The following RGS6 variants were observed in gnomAD, a reference collection of about 807,000 sequenced individuals.
The protein encoded by RGS6 is regulator of G-protein signaling 6.
Under a neutral mutation model 78.5 loss-of-function variants are expected in RGS6, and 30 were observed. The ratio of observed to expected loss-of-function variants is 0.38; its 90% confidence interval spans 0.29 to 0.52. The LOEUF (loss-of-function observed/expected upper bound fraction) is 0.52. RGS6 is among the 20% of genes least tolerant of loss of function. The pLI, the probability that RGS6 is intolerant of heterozygous loss-of-function variation, is 0.85. For missense variants in RGS6, 495 were observed against 609.7 expected (o/e 0.81, Z 1.98); for synonymous variants, 206 against 206.0 (o/e 1.00, Z 0.00).
intron 3 of RGS6, among the ~76,000 whole-genome samples, chr14:72,370,135 A>C (rs1378227159): frequency 7.5e-6 from 1 of 133,440 alleles, no homozygotes; most frequent in African/African-American, 3.3e-5. Flanking sequence ...GAATGAGAAC[A>C]ATTACAAAAT....
chr14:72,387,888 G>A (rs867196307), intron 3 of RGS6, among the ~76,000 whole-genome samples: 21 of 152,290 alleles, frequency 1.4e-4, no homozygotes, highest in African/African-American at 5.1e-4. Context: ...TCCTTGGCTT[G>A]TAGATGGCCG....
At chr14:72,198,563 C>A (rs1354490257) in intron 2 of RGS6, among the ~76,000 whole-genome samples, 1 of 152,222 alleles carries the variant, frequency 6.6e-6, no homozygotes, top group African/African-American at 2.4e-5. Flanking sequence ...TGTCTCTACA[C>A]ATACCTGAGT....
intron 3 of RGS6, among the ~76,000 whole-genome samples, chr14:72,398,801 C>T (rs1410650473): frequency 3.9e-5 from 6 of 152,242 alleles, no homozygotes; most frequent in South Asian, 2.1e-4. Context: ...CCCTTCATTT[C>T]GTTATGTACC....
intron 2 of RGS6, among the ~76,000 whole-genome samples, chr14:72,308,465 A>G (rs1184215717): frequency 6.6e-6 from 1 of 152,218 alleles, no homozygotes; most frequent in Non-Finnish European, 1.5e-5. Context: ...AATTATCAGT[A>G]TACTTGTCTT....
chr14:72,444,182 G>A (rs1469467765), intron 3 of RGS6, among the ~76,000 whole-genome samples: 3 of 152,154 alleles, frequency 2.0e-5, no homozygotes, highest in African/African-American at 7.2e-5. Flanking sequence ...AATCAATTGT[G>A]GGGGCTCAGG....
At chr14:72,266,652 GA>G (rs1401562913) in intron 2 of RGS6, among the ~76,000 whole-genome samples, 1 of 152,210 alleles carries the variant, frequency 6.6e-6, no homozygotes, top group Non-Finnish European at 1.5e-5. Flanking sequence ...CACTTTCTCA[GA>G]AGGGCATCAG....
At chr14:71,890,286 A>G in the RGS6 span, among the ~76,000 whole-genome samples, 1 of 151,694 alleles carries the variant, frequency 6.6e-6, no homozygotes, top group East Asian at 1.9e-4. Context: ...CACCTGAAGA[A>G]TGACAGCCGG....
chr14:72,290,131 T>C (rs2063326213), intron 2 of RGS6, among the ~76,000 whole-genome samples: 1 of 152,146 alleles, frequency 6.6e-6, no homozygotes, highest in Non-Finnish European at 1.5e-5. Flanking sequence ...CAATCTCTCA[T>C]AAAATAAAGA....
intron 2 of RGS6, among the ~76,000 whole-genome samples, chr14:72,228,346 A>C (rs1376980744): frequency 6.6e-6 from 1 of 152,086 alleles, no homozygotes; most frequent in African/African-American, 2.4e-5. Flanking sequence ...GCACCACTGC[A>C]CTCCAGCCTG....
At chr14:72,352,301 A>G in intron 3 of RGS6, 107 bp downstream of exon 3, 1 of 723,052 alleles carries the variant, frequency 1.4e-6, no homozygotes, top group Non-Finnish European at 2.3e-6. Flanking sequence ...AGTAAAAATG[A>G]AACATTCAGT....
chr14:72,063,006 C>G lies in RGS6; in HGVS notation c.84+98131C>G, dbSNP rs111958363. Among the ~76,000 whole-genome samples, 380 of 152,088 alleles carry G rather than the reference C, an allele frequency of 2.5e-3. 1 individual carries two copies. Among genetic ancestry groups the G allele is most frequent in the African/African-American group, 7.6e-3 (317 of 41,506 alleles). On this transcript the variant is annotated intron_variant, in intron 2 of 17. Transcript: ENST00000553525. ...GCCCAGGTAATTTCTGTATTTTTAGCAGAGACAGGGTTTTGGCATGTTGGC... is the reference window on the plus strand; with the variant it reads ...GCCCAGGTAATTTCTGTATTTTTAGGAGAGACAGGGTTTTGGCATGTTGGC...
At chr14:72,091,401 G>A (rs2095265007) in intron 2 of RGS6, among the ~76,000 whole-genome samples, 2 of 152,130 alleles carry the variant, frequency 1.3e-5, no homozygotes, top group Non-Finnish European at 2.9e-5. Flanking sequence ...TTGGAGCCTG[G>A]AGACAGGGGA....
chr14:72,078,955 T>A (rs931444774), intron 2 of RGS6, among the ~76,000 whole-genome samples: 3 of 152,204 alleles, frequency 2.0e-5, no homozygotes, highest in African/African-American at 7.2e-5. Flanking sequence ...TAAATCTCTT[T>A]TAACCCTATT....
chr14:72,283,383 T>C (rs1375655649), intron 2 of RGS6, among the ~76,000 whole-genome samples: 1 of 152,192 alleles, frequency 6.6e-6, no homozygotes, highest in Non-Finnish European at 1.5e-5. Context: ...CCAAACCTCA[T>C]CTTGAATTGT....
chr14:72,282,646 G>A (rs1383618612), intron 2 of RGS6, among the ~76,000 whole-genome samples: 2 of 152,306 alleles, frequency 1.3e-5, no homozygotes, highest in South Asian at 2.1e-4. Flanking sequence ...CATATTTCAT[G>A]TGTACATTTT....
intron 2 of RGS6, among the ~76,000 whole-genome samples, chr14:72,324,193 C>T (rs140869675): frequency 6.6e-6 from 1 of 151,708 alleles, no homozygotes; most frequent in East Asian, 1.9e-4. Flanking sequence ...TAGAAATAGA[C>T]CAAACTACAT....
At chr14:72,613,054 G>A in the RGS6 span, among the ~76,000 whole-genome samples, 19 of 152,008 alleles carry the variant, frequency 1.2e-4, no homozygotes, top group African/African-American at 2.9e-4. Flanking sequence ...GCACGCACGC[G>A]CATGCACATG....
chr14:72,382,503 C>T (rs1184353587), intron 3 of RGS6, among the ~76,000 whole-genome samples: 2 of 152,146 alleles, frequency 1.3e-5, no homozygotes, highest in African/African-American at 4.8e-5. Flanking sequence ...TGGAAGTGTG[C>T]ATTCGCAAAC....
intron 2 of RGS6, among the ~76,000 whole-genome samples, chr14:72,280,493 T>C (rs2061393556): frequency 6.6e-6 from 1 of 152,186 alleles, no homozygotes; most frequent in Non-Finnish European, 1.5e-5. Context: ...GAAGTGGTGA[T>C]GACATATTTA....
Sources: allele counts gnomAD v4.1 joint callset (sites outside exome capture counted in the v4.1 genomes callset), GRCh38; gene constraint gnomAD v4.1.1; transcripts MANE v1.5; gene names NCBI Gene and HGNC (gene_info 2026-07-23, HGNC 2026-07-21).